The following ZFR variants were observed in gnomAD, a reference collection of about 807,000 sequenced individuals.
ZFR encodes the protein zinc finger RNA binding protein.
In ZFR, 19 loss-of-function variants were observed where a neutral mutation model predicts 130.7. That is an observed-to-expected ratio of 0.15 (90% CI 0.10 to 0.21). The LOEUF is 0.21. Ranked by LOEUF, ZFR falls within the 10% of genes least tolerant of loss-of-function variation. The pLI is 1.00. For missense variants in ZFR, 872 were observed against 1,321.5 expected (o/e 0.66, Z 5.27); for synonymous variants, 466 against 456.9 (o/e 1.02, Z -0.25).
Position 32,388,668 on chromosome 5 carries a change from G to T in ZFR, c.2149C>A (p.Arg717Ser). 3.1e-6 allele frequency: 5 copies of T among 1,612,156 alleles called. No individual in the cohort carries two copies. In the South Asian group the frequency reaches 3.3e-5, roughly 11 times the overall value. Reference sequence around the variant, plus strand: ...CGGTCATCAGATGAGTCAGGACGACGTAAGGGCTACAGAGAAACAAAGTTG... The same window carrying T: ...CGGTCATCAGATGAGTCAGGACGACTTAAGGGCTACAGAGAAACAAAGTTG... ...PPQPQGPAPLRRPDSSDDRYV... is the reference protein window; with the variant it reads ...PPQPQGPAPLSRPDSSDDRYV... Residue 717 changes from arginine (R) to serine (S), a missense_variant, in exon 13 of 20, where the codon CGT (arginine) becomes AGT (serine). Physicochemically the swap from Arg to Ser is moderately radical, Grantham distance 110. Coordinates refer to ENST00000265069, the MANE Select transcript of ZFR (RefSeq NM_016107.5).
chr5:32,367,413 C>A (rs200718085), intron 17 of ZFR, among the ~76,000 whole-genome samples: 3 of 151,120 alleles, frequency 2.0e-5, no homozygotes, highest in African/African-American at 7.3e-5. Context: ...CCAGCCTGGG[C>A]GACAAGAGTG....
At chr5:32,359,173 C>A (rs962376725) in intron 19 of ZFR, among the ~76,000 whole-genome samples, 1 of 151,916 alleles carries the variant, frequency 6.6e-6, no homozygotes, top group Admixed American at 6.6e-5. Flanking sequence ...GACAGTGAAA[C>A]CGTCTCAAAA....
chr5:32,378,855 G>A, intron 17 of ZFR, among the ~76,000 whole-genome samples: 1 of 116,626 alleles, frequency 8.6e-6, no homozygotes, highest in Non-Finnish European at 1.8e-5. Context: ...ACTAATAAAT[G>A]CTGTAATATT....
chr5:32,436,988 C>T (rs1280200037), intron 2 of ZFR, among the ~76,000 whole-genome samples: 1 of 152,172 alleles, frequency 6.6e-6, no homozygotes, highest in African/African-American at 2.4e-5. Context: ...TAACAACAGA[C>T]TGTTTGCCCA....
intron 17 of ZFR, among the ~76,000 whole-genome samples, chr5:32,374,236 T>C (rs1752744353): frequency 6.6e-6 from 1 of 152,202 alleles, no homozygotes; most frequent in African/African-American, 2.4e-5. Context: ...ACAGGCACGG[T>C]GGCTCACGCC....
At chr5:32,425,181 A>G (rs983617306) in intron 2 of ZFR, among the ~76,000 whole-genome samples, 2 of 152,230 alleles carry the variant, frequency 1.3e-5, no homozygotes, top group Non-Finnish European at 2.9e-5. Context: ...GCTTAGCACC[A>G]AAAGAAATAA....
intron 2 of ZFR, among the ~76,000 whole-genome samples, chr5:32,435,002 T>C (rs1754302719): frequency 6.6e-6 from 1 of 152,084 alleles, no homozygotes. Flanking sequence ...ACTGCAGCCT[T>C]GACCTCCCCA....
intron 15 of ZFR, among the ~76,000 whole-genome samples, chr5:32,381,129 A>T (rs1752927444): frequency 6.6e-6 from 1 of 152,200 alleles, no homozygotes; most frequent in South Asian, 2.1e-4. Context: ...AACAGAATTA[A>T]GAGTGGAAAA....
chr5:32,364,317 G>T, intron 17 of ZFR, 42 bp from the exon 18 acceptor site: 1 of 1,442,696 alleles, frequency 6.9e-7, no homozygotes, highest in Non-Finnish European at 9.4e-7. Context: ...GCTTACCAAA[G>T]GAATTACTCA....
rs1753915347 is a variant in ZFR, at chr5:32,419,991, C to G, written c.250G>C (p.Ala84Pro). Residue 84 changes from alanine (A) to proline (P), a missense_variant, in exon 3 of 20, where the codon GCC (alanine) becomes CCC (proline). Ala to Pro is a conservative substitution (Grantham distance 27). This residue lies in a region of ZFR where 240 missense variants were observed against 441.2 expected (regional missense o/e 0.54). Transcript: ENST00000265069. ...HTVTAAYAPAAATVAVARPAP... is the reference protein window; with the variant it reads ...HTVTAAYAPAPATVAVARPAP... ...GGCCTGGCAACTGCAACTGTGGCGG[C>G]TGCTGGTGCATAGGCAGCAGTAACT... The G allele has an allele frequency of 6.2e-7, 1 of 1,613,768 alleles. No homozygotes were observed. The highest frequency in any genetic ancestry group is 8.5e-7 in the Non-Finnish European group (1 of 1,180,040).
At chr5:32,444,554 G>C (rs1754562522) in intron 1 of ZFR, 68 bp downstream of exon 1, 1 of 1,430,332 alleles carries the variant, frequency 7.0e-7, no homozygotes, top group East Asian at 3.1e-5. Context: ...CCCAACCCCC[G>C]CGGCTCCCCG....
At position 32,390,275 on chromosome 5, in the gene ZFR, T is replaced by C. The variant is rs1316326535; in HGVS notation, c.2142A>G (p.Ala714=). 6.2e-7 allele frequency: 1 copy of C among 1,612,514 alleles called. No homozygotes were observed. The highest frequency in any genetic ancestry group is 1.1e-5 in the South Asian group (1 of 91,054). Residue 714 remains alanine, a splice_region_variant and synonymous_variant, in exon 12 of 20, where the codon GCA becomes GCG. Coordinates refer to ENST00000265069, the MANE Select transcript of ZFR (RefSeq NM_016107.5). Reference sequence around the variant, plus strand: ...TTGTATCACCAACGTGGACACTCACTGCAGGCCCCTGAGGCTGAGGAGGCA... The same window carrying C: ...TTGTATCACCAACGTGGACACTCACCGCAGGCCCCTGAGGCTGAGGAGGCA... ...PGMPPQPQGP[A]PLRRPDSSDD... is the part of the protein sequence containing the mutation.
intron 19 of ZFR, 82 bp downstream of exon 19, chr5:32,363,866 T>C (rs1222611478): frequency 3.4e-6 from 4 of 1,160,584 alleles, no homozygotes; most frequent in African/African-American, 1.5e-5. Flanking sequence ...TAGTGACTTA[T>C]AATATTCCTT....
chr5:32,443,915 C>T (rs1754531749), intron 2 of ZFR, among the ~76,000 whole-genome samples: 1 of 152,200 alleles, frequency 6.6e-6, no homozygotes, highest in South Asian at 2.1e-4. Flanking sequence ...GCGGTGGCGG[C>T]TCCGCTCGGC....
intron 6 of ZFR, among the ~76,000 whole-genome samples, chr5:32,404,346 T>C (rs951808642): frequency 2.6e-5 from 4 of 152,198 alleles, no homozygotes; most frequent in Admixed American, 6.5e-5. Flanking sequence ...TATAAGGCAA[T>C]GGCTTTCAGT....
At chr5:32,388,951 CAA>C in intron 12 of ZFR, among the ~76,000 whole-genome samples, 1 of 152,140 alleles carries the variant, frequency 6.6e-6, no homozygotes, top group Non-Finnish European at 1.5e-5. Context: ...GCTCTTTACT[CAA>C]CCTTAGAAAC....
chr5:32,428,757 T>C (rs982694328), intron 2 of ZFR, among the ~76,000 whole-genome samples: 26 of 152,122 alleles, frequency 1.7e-4, no homozygotes, highest in Admixed American at 1.2e-3. Context: ...GAATGCACAG[T>C]GCATGAGTGG....
At chr5:32,380,014 T>A in intron 16 of ZFR, 61 bp downstream of exon 16, 3 of 1,371,664 alleles carry the variant, frequency 2.2e-6, no homozygotes, top group Non-Finnish European at 3.1e-6. Context: ...CAGTTAAACA[T>A]GTTGTACTGA....
intron 11 of ZFR, among the ~76,000 whole-genome samples, chr5:32,394,120 T>C (rs1361745299): frequency 6.6e-6 from 1 of 152,230 alleles, no homozygotes; most frequent in African/African-American, 2.4e-5. Context: ...GTATGGTATG[T>C]TTCTGCTAAA....
Sources: allele counts gnomAD v4.1 joint callset (sites outside exome capture counted in the v4.1 genomes callset), GRCh38; gene constraint gnomAD v4.1.1; regional missense constraint gnomAD v4.1.1; transcripts MANE v1.5; gene names NCBI Gene and HGNC (gene_info 2026-07-23, HGNC 2026-07-21).